Variants in CDC42 observed in about 807,000 individuals in gnomAD.
CDC42 encodes cell division cycle 42, also known as cell division control protein 42 homolog.
In CDC42, 1 loss-of-function variant was observed where a neutral mutation model predicts 20.8. The observed-to-expected ratio is 0.05, with a 90% CI of 0.02 to 0.23. CDC42 has a LOEUF of 0.23. Ranked by LOEUF, CDC42 falls within the 10% of genes least tolerant of loss-of-function variation. The pLI is 1.00. For synonymous variants in CDC42, 72 were observed against 84.8 expected, an observed-to-expected ratio of 0.85 and a Z score of 0.83; for missense variants, 49 against 227.9, an observed-to-expected ratio of 0.21 and a Z score of 5.05.
At chr1:22,076,415 G>A (rs143082380) in intron 1 of CDC42, among the ~76,000 whole-genome samples, 350 of 151,918 alleles carry the variant, frequency 2.3e-3, no homozygotes, top group Admixed American at 4.8e-3. Context: ...CAGAGATCAC[G>A]CCACTGCACT....
chr1:22,060,116 C>T (rs1377309176), intron 1 of CDC42, among the ~76,000 whole-genome samples: 1 of 151,854 alleles, frequency 6.6e-6, no homozygotes, highest in African/African-American at 2.4e-5. Context: ...CTGAGGCAGG[C>T]AGATCACCTG....
At chr1:22,080,735 A>C (rs1645598474) in intron 2 of CDC42, among the ~76,000 whole-genome samples, 1 of 152,232 alleles carries the variant, frequency 6.6e-6, no homozygotes, top group South Asian at 2.1e-4. Context: ...CATTTTCACA[A>C]ATAACTTCGT....
rs1645779545 is a variant in CDC42, at chr1:22,099,918, GCTTGTCCAAGAATTCAGAGC to G, written c.*8402_*8421del. 2.0e-5 allele frequency among the ~76,000 whole-genome samples: 3 copies of G among 151,034 alleles called. No homozygotes were observed. Among genetic ancestry groups the G allele is most frequent in the Non-Finnish European group, 3.0e-5 (2 of 67,776 alleles). The stretch of plus-strand genomic sequence containing the variant: ...AAGCTTGTCCAAGAATTCAGAGCTA[GCTTGTCCAAGAATTCAGAGC>G]TAGTAAGTGAGGGAACTGGGATTTG... On this transcript the variant is annotated 3_prime_UTR_variant, in exon 6 of 6. Coordinates refer to ENST00000656825, the MANE Select transcript of CDC42 (RefSeq NM_001791.4).
intron 5 of CDC42, 61 bp from the exon 6 acceptor site, chr1:22,091,367 A>G (rs1645713790): frequency 9.5e-7 from 1 of 1,056,578 alleles, no homozygotes; most frequent in Non-Finnish European, 1.4e-6. Flanking sequence ...TTTAAATTTG[A>G]ACTCCAACTT....
chr1:22,084,541 G>T (rs559754870), intron 3 of CDC42, among the ~76,000 whole-genome samples: 189 of 151,716 alleles, frequency 1.2e-3, no homozygotes, highest in Non-Finnish European at 2.4e-3. Context: ...TAAGTTTTAG[G>T]AGTTCTTTGT....
At position 22,056,226 on chromosome 1, in the gene CDC42, C is replaced by T. The variant is rs148422584; in HGVS notation, c.-51+3484C>T. On this transcript the variant is annotated intron_variant, in intron 1 of 5. Coordinates refer to ENST00000656825, the MANE Select transcript of CDC42 (RefSeq NM_001791.4). Reference sequence around the variant, plus strand: ...AACGTTTTCCCTAATATTCCATGGGCCTTTTTGCTGTGTTTCCTGAGACAG... The same window carrying T: ...AACGTTTTCCCTAATATTCCATGGGTCTTTTTGCTGTGTTTCCTGAGACAG... 1.5e-3 allele frequency among the ~76,000 whole-genome samples: 233 copies of T among 152,284 alleles called. 1 individual carries two copies. Among genetic ancestry groups the T allele is most frequent in the Middle Eastern group, 6.8e-3 (2 of 294 alleles).
intron 5 of CDC42, 27 bp from the exon 6 acceptor site, chr1:22,091,401 C>G (rs1645714085): frequency 2.1e-6 from 3 of 1,434,794 alleles, no homozygotes; most frequent in Non-Finnish European, 2.9e-6. Flanking sequence ...ATCAGACCGC[C>G]CATTTTTTCT....
intron 3 of CDC42, among the ~76,000 whole-genome samples, chr1:22,082,735 T>TTA (rs1286488799): frequency 3.9e-5 from 6 of 152,146 alleles, no homozygotes; most frequent in African/African-American, 1.4e-4. Context: ...ACAGTAAAGA[T>TTA]TAGAGAAATT....
Position 22,095,300 on chromosome 1 carries a change from C to T in CDC42, c.*3783C>T, listed in dbSNP as rs887105596. ...TACTTTTTTTTTTGAGATGGAGTCT[C>T]GTTCTGTCGCCCAGGCTGGAGTGCA... On this transcript the variant is annotated 3_prime_UTR_variant, in exon 6 of 6. Coordinates refer to ENST00000656825, the MANE Select transcript of CDC42 (RefSeq NM_001791.4). Among the ~76,000 whole-genome samples, 12 of 152,060 alleles carry T rather than the reference C, an allele frequency of 7.9e-5. No homozygotes were observed. The highest frequency in any genetic ancestry group is 3.4e-3 in the Middle Eastern group (1 of 294).
At chr1:22,072,998 T>C (rs570676165) in intron 1 of CDC42, among the ~76,000 whole-genome samples, 2 of 152,330 alleles carry the variant, frequency 1.3e-5, no homozygotes, top group East Asian at 3.9e-4. Flanking sequence ...TTGCTGTCTC[T>C]CTGTGCCTAG....
chr1:22,084,416 A>T (rs1458277978), intron 3 of CDC42, among the ~76,000 whole-genome samples: 1 of 104,134 alleles, frequency 9.6e-6, no homozygotes, highest in Non-Finnish European at 1.9e-5. Context: ...TTTGATTTGT[A>T]TTTCCTTAAT....
At chr1:22,089,691 G>T (rs1199357209) in intron 5 of CDC42, among the ~76,000 whole-genome samples, 1 of 152,198 alleles carries the variant, frequency 6.6e-6, no homozygotes, top group Non-Finnish European at 1.5e-5. Flanking sequence ...TCCAAAATGT[G>T]TTAGAAGTCA....
Position 22,094,585 on chromosome 1 carries a change from C to T in CDC42, c.*3068C>T, listed in dbSNP as rs1408658927. ...GTGCTGGGATTACAGGCGTGAGCCA[C>T]CGCGCCCGGCCAGAAATAGATTTTA... On this transcript the variant is annotated 3_prime_UTR_variant, in exon 6 of 6. Coordinates refer to ENST00000656825, the MANE Select transcript of CDC42 (RefSeq NM_001791.4). Among the ~76,000 whole-genome samples, 1 of 148,690 alleles carries T rather than the reference C, an allele frequency of 6.7e-6. No individual in the cohort carries two copies. Among genetic ancestry groups the T allele is most frequent in the African/African-American group, 2.6e-5 (1 of 38,248 alleles).
chr1:22,088,766 C>T (rs1381262303), intron 5 of CDC42, among the ~76,000 whole-genome samples: 1 of 152,112 alleles, frequency 6.6e-6, no homozygotes, highest in Non-Finnish European at 1.5e-5. Flanking sequence ...TTTCTGTACT[C>T]CTTCCTTCCT....
intron 5 of CDC42, among the ~76,000 whole-genome samples, chr1:22,088,266 T>C (rs896416644): frequency 1.3e-5 from 2 of 152,248 alleles, no homozygotes; most frequent in Non-Finnish European, 2.9e-5. Context: ...GTGCTTCTGA[T>C]GCATACCTCT....
At position 22,078,484 on chromosome 1, in the gene CDC42, G is replaced by A. The variant is rs774271691; in HGVS notation, c.6G>A (p.Gln2=). The stretch of plus-strand genomic sequence containing the variant: ...GATACAAAACTATTTCAGCAATGCA[G>A]ACAATTAAGTGTGTTGTTGTGGGCG... M[Q]TIKCVVVGDG... Residue 2 remains glutamine, a synonymous_variant, in exon 2 of 6, where the codon CAG becomes CAA. Transcript: ENST00000656825. 1.0e-5 allele frequency: 16 copies of A among 1,607,128 alleles called. No homozygotes were observed. In the South Asian group the frequency reaches 1.4e-4, roughly 14 times the overall value.
rs542284164 is a variant in CDC42 at position 22,098,828 on chromosome 1, G to C, written c.*7311G>C. On this transcript the variant is annotated 3_prime_UTR_variant, in exon 6 of 6. Coordinates refer to ENST00000656825, the MANE Select transcript of CDC42 (RefSeq NM_001791.4). Reference sequence around the variant, plus strand: ...GGCTGGAGTGCAGTGTCGTGGTCTTGGGTCACTGCATCCTTGACCTCCCCA... The same window carrying C: ...GGCTGGAGTGCAGTGTCGTGGTCTTCGGTCACTGCATCCTTGACCTCCCCA... Among the ~76,000 whole-genome samples, 1 of 152,212 alleles carries C rather than the reference G, an allele frequency of 6.6e-6. No homozygotes were observed. Among genetic ancestry groups the C allele is most frequent in the East Asian group, 1.9e-4 (1 of 5,178 alleles).
At chr1:22,085,622 A>T (rs894326282) in intron 3 of CDC42, among the ~76,000 whole-genome samples, 3 of 152,090 alleles carry the variant, frequency 2.0e-5, no homozygotes, top group African/African-American at 7.2e-5. Flanking sequence ...TTGTTATCCA[A>T]GTCTTTTGCC....
intron 5 of CDC42, among the ~76,000 whole-genome samples, chr1:22,091,147 G>A (rs1645711791): frequency 6.6e-6 from 1 of 152,222 alleles, no homozygotes; most frequent in African/African-American, 2.4e-5. Flanking sequence ...AATGACACAT[G>A]TGCTTGTTTG....
Sources: allele counts gnomAD v4.1 joint callset (sites outside exome capture counted in the v4.1 genomes callset), GRCh38; gene constraint gnomAD v4.1.1; transcripts MANE v1.5; gene names NCBI Gene and HGNC (gene_info 2026-07-23, HGNC 2026-07-21).